Variants in LLPH observed in about 807,000 individuals in gnomAD.
LLPH encodes the protein protein LLP homolog.
In LLPH, 5 loss-of-function variants were observed where a neutral mutation model predicts 13.3. The ratio of observed to expected loss-of-function variants is 0.38; its 90% CI spans 0.20 to 0.79. The LOEUF is 0.79. Ranked by LOEUF, LLPH falls within the 30% of genes least tolerant of loss-of-function variation. The pLI is 0.45. For synonymous variants in LLPH, 32 were observed against 44.2 expected, an observed-to-expected ratio of 0.72 and a Z score of 1.09; for missense variants, 129 against 152.1, an observed-to-expected ratio of 0.85 and a Z score of 0.80.
rs558283194 is a variant in LLPH at position 66,119,639 on chromosome 12, A to T, written c.*4201T>A. On this transcript the variant is annotated 3_prime_UTR_variant, in exon 3 of 3. Transcript: ENST00000266604. ...GAATCACTCTGCCAGATGGCATCAGAAGTTAGTCACTTAACTAGTAAGATT... is the reference window on the plus strand; with the variant it reads ...GAATCACTCTGCCAGATGGCATCAGTAGTTAGTCACTTAACTAGTAAGATT... The T allele has an allele frequency of 6.6e-6, 1 of 152,376 alleles. No homozygotes were observed. The highest frequency in any genetic ancestry group is 2.4e-5 in the African/African-American group (1 of 41,592). 9.4% of individuals were successfully genotyped at this position (152,376 alleles called of 1,614,324 possible).
intron 1 of LLPH, 140 bp downstream of exon 1, chr12:66,130,565 C>T (rs2051528881): frequency 6.6e-6 from 1 of 152,232 alleles, no homozygotes. Context: ...AAGGGGAACC[C>T]TCGCCCTCAA....
rs1368544120 is a variant in LLPH, at chr12:66,122,376, A to G, written c.*1464T>C. ...TTACTTGAGTTCTCCTGGGAAGTTA[A>G]CATCTTCTTCTAAACAGATACACAG... On this transcript the variant is annotated 3_prime_UTR_variant, in exon 3 of 3. Coordinates refer to ENST00000266604, the MANE Select transcript of LLPH (RefSeq NM_032338.4). The G allele has an allele frequency of 6.6e-6, 1 of 152,170 alleles. No individual in the cohort carries two copies. Among genetic ancestry groups the G allele is most frequent in the African/African-American group, 2.4e-5 (1 of 41,440 alleles). The allele number at this position is 152,170 out of a possible 1,614,324, so 9.4% of individuals were successfully genotyped here.
intron 2 of LLPH, among the ~76,000 whole-genome samples, chr12:66,125,063 G>A (rs554017130): frequency 1.3e-5 from 2 of 152,234 alleles, no homozygotes; most frequent in African/African-American, 4.8e-5. Context: ...GTGAGATCCT[G>A]TCTCCCCGCA....
In LLPH at chr12:66,119,857, C is replaced by G. The variant is rs963802991; in HGVS notation, c.*3983G>C. On this transcript the variant is annotated 3_prime_UTR_variant, in exon 3 of 3. Transcript: ENST00000266604. Reference sequence around the variant, plus strand: ...CTATTTTTCTTCTCCAACTCTTAAGCCATATTCCAGAAACACGGATCCAAA... The same window carrying G: ...CTATTTTTCTTCTCCAACTCTTAAGGCATATTCCAGAAACACGGATCCAAA... The G allele has an allele frequency of 6.6e-6, 1 of 152,180 alleles. No individual in the cohort carries two copies. Among genetic ancestry groups the G allele is most frequent in the African/African-American group, 2.4e-5 (1 of 41,434 alleles). 9.4% of individuals were successfully genotyped at this position (152,180 alleles called of 1,614,324 possible). A position where few individuals can be genotyped will look rare whatever the true frequency, so the allele number is the denominator to read the frequency against.
chr12:66,129,042 G>A lies in LLPH; in HGVS notation c.65C>T (p.Ala22Val). The A allele has an allele frequency of 1.9e-6, 3 of 1,611,698 alleles. No individual in the cohort carries two copies. The highest frequency in any genetic ancestry group is 2.5e-6 in the Non-Finnish European group (3 of 1,178,128). ...TTTAAGCCTGCTGGCCTCCTTTGGG[G>A]CATTCTTTTTTCTCTTTTCAGCACG... ...KMRAEKRKKN[A>V]PKEASRLKSI... Residue 22 changes from alanine to valine, a missense_variant, in exon 2 of 3, where the codon GCC becomes GTC. Transcript: ENST00000266604.
chr12:66,128,996 A>G lies in LLPH; in HGVS notation c.111T>C (p.Gly37=), dbSNP rs2051515709. 2 of 1,612,454 alleles carry G rather than the reference A, an allele frequency of 1.2e-6. No homozygotes were observed. The highest frequency in any genetic ancestry group is 1.7e-6 in the Non-Finnish European group (2 of 1,178,706). ...SRLKSILKLD[G]DVLMKDVQEI... Reference sequence around the variant, plus strand: ...CTTGAACATCTTTCATTAAAACATCACCGTCTAGTTTGAGAATACTTTTAA... The same window carrying G: ...CTTGAACATCTTTCATTAAAACATCGCCGTCTAGTTTGAGAATACTTTTAA... The change falls in exon 2 of 3, where the codon GGT becomes GGC. Residue 37 remains glycine, a synonymous_variant. Transcript: ENST00000266604.
chr12:66,125,676 C>T (rs551814525), intron 2 of LLPH, among the ~76,000 whole-genome samples: 2 of 152,270 alleles, frequency 1.3e-5, no homozygotes, highest in South Asian at 4.1e-4. Flanking sequence ...ATAAAACCTC[C>T]TGGAGCCATT....
intron 2 of LLPH, among the ~76,000 whole-genome samples, chr12:66,127,668 G>C (rs2051505925): frequency 6.6e-6 from 1 of 152,148 alleles, no homozygotes; most frequent in Non-Finnish European, 1.5e-5. Context: ...TGTGGATTTT[G>C]CCTTAACAAC....
At chr12:66,124,603 C>T (rs768033505) in intron 2 of LLPH, among the ~76,000 whole-genome samples, 1 of 152,174 alleles carries the variant, frequency 6.6e-6, no homozygotes, top group Admixed American at 6.5e-5. Context: ...CTGTGGTACA[C>T]CTATCACCTT....
intron 2 of LLPH, among the ~76,000 whole-genome samples, chr12:66,124,814 G>A (rs761546357): frequency 1.3e-5 from 2 of 152,168 alleles, no homozygotes; most frequent in African/African-American, 4.8e-5. Context: ...TCTAGTTTAT[G>A]GGGATATAGT....
At chr12:66,126,866 G>A (rs1229405809) in intron 2 of LLPH, among the ~76,000 whole-genome samples, 1 of 151,882 alleles carries the variant, frequency 6.6e-6, no homozygotes, top group African/African-American at 2.4e-5. Flanking sequence ...GGGAGGCAGA[G>A]GTTGTGGTGA....
At position 66,117,864 on chromosome 12, in the gene LLPH, T is replaced by C. The variant is rs1409622311; in HGVS notation, c.*5976A>G. The stretch of plus-strand genomic sequence containing the variant: ...ATTAAAAAATTAAAAATTGTGGAAA[T>C]AGAAAAAAGCTTATAAAAATATAAA... On this transcript the variant is annotated 3_prime_UTR_variant, in exon 3 of 3. Coordinates refer to ENST00000266604, the MANE Select transcript of LLPH (RefSeq NM_032338.4). The C allele has an allele frequency of 6.6e-6, 1 of 152,056 alleles. No individual in the cohort carries two copies. 9.4% of individuals were successfully genotyped at this position (152,056 alleles called of 1,614,324 possible).
At chr12:66,128,170 C>A (rs1462091855) in intron 2 of LLPH, among the ~76,000 whole-genome samples, 2 of 151,980 alleles carry the variant, frequency 1.3e-5, no homozygotes, top group African/African-American at 2.4e-5. Flanking sequence ...TTAAAAACAG[C>A]CATTTTTAAA....
rs2051464844 is a variant in LLPH at position 66,121,783 on chromosome 12, C to G, written c.*2057G>C. The G allele has an allele frequency of 6.7e-6, 1 of 148,482 alleles. No homozygotes were observed. The highest frequency in any genetic ancestry group is 6.8e-5 in the Admixed American group (1 of 14,660). 9.2% of individuals were successfully genotyped at this position (148,482 alleles called of 1,614,324 possible). A position where few individuals can be genotyped will look rare whatever the true frequency, so the allele number is the denominator to read the frequency against. ...CCTGTAGTCCCAGCTACTGGGGAGG[C>G]TGAGGTGGGAGAATCGCTTCAGCCT... is the stretch of plus-strand genomic sequence containing the variant. On this transcript the variant is annotated 3_prime_UTR_variant, in exon 3 of 3. Coordinates refer to ENST00000266604, the MANE Select transcript of LLPH (RefSeq NM_032338.4).
rs780947566 is a variant in LLPH at position 66,128,934 on chromosome 12, C to G, written c.173G>C (p.Cys58Ser). Reference sequence around the variant, plus strand: ...TACCTCACATTGCATTTTCTCTTGGCAATGTTTGGGTTTGGGTACCACCAC... The same window carrying G: ...TACCTCACATTGCATTTTCTCTTGGGAATGTTTGGGTTTGGGTACCACCAC... ...ATVVVPKPKH[C>S]QEKMQCEVKD... The change falls in exon 2 of 3, where the codon TGC (cysteine) becomes TCC (serine). Residue 58 changes from cysteine (C) to serine (S), a missense_variant. Coordinates refer to ENST00000266604, the MANE Select transcript of LLPH (RefSeq NM_032338.4). The G allele has an allele frequency of 1.2e-6, 2 of 1,613,214 alleles. No individual in the cohort carries two copies. The highest frequency in any genetic ancestry group is 1.3e-5 in the African/African-American group (1 of 74,914).
intron 2 of LLPH, 88 bp from the exon 3 acceptor site, chr12:66,124,106 C>T (rs2051481709): frequency 2.4e-6 from 2 of 826,984 alleles, no homozygotes; most frequent in Admixed American, 3.0e-5. Context: ...AACATCAGAA[C>T]ATTAGAACTG....
rs745348577 is a variant in LLPH, at chr12:66,117,985, A to T, written c.*5855T>A. On this transcript the variant is annotated 3_prime_UTR_variant, in exon 3 of 3. Coordinates refer to ENST00000266604, the MANE Select transcript of LLPH (RefSeq NM_032338.4). ...TAAAAAATTAAAACGTTTATAAGGT[A>T]AAAAAGTTACAGGAAGCTAAAGTTA... 6.6e-6 allele frequency: 1 copy of T among 152,236 alleles called. No individual in the cohort carries two copies. The highest frequency in any genetic ancestry group is 1.5e-5 in the Non-Finnish European group (1 of 68,052). 9.4% of individuals were successfully genotyped at this position (152,236 alleles called of 1,614,324 possible). A position where few individuals can be genotyped will look rare whatever the true frequency, so the allele number is the denominator to read the frequency against.
At chr12:66,124,759 C>T (rs1358465772) in intron 2 of LLPH, among the ~76,000 whole-genome samples, 1 of 152,168 alleles carries the variant, frequency 6.6e-6, no homozygotes. Context: ...TGGTATATAA[C>T]AGCCACTCAA....
At position 66,118,645 on chromosome 12, in the gene LLPH, T is replaced by C. The variant is rs982727915; in HGVS notation, c.*5195A>G. On this transcript the variant is annotated 3_prime_UTR_variant, in exon 3 of 3. Coordinates refer to ENST00000266604, the MANE Select transcript of LLPH (RefSeq NM_032338.4). Reference sequence around the variant, plus strand: ...CCTAGAAGCAATAGGCTATATCACATAGCCTAAGTGTAGTAGACGATACCC... The same window carrying C: ...CCTAGAAGCAATAGGCTATATCACACAGCCTAAGTGTAGTAGACGATACCC... 2 of 152,190 alleles carry C rather than the reference T, an allele frequency of 1.3e-5. No individual in the cohort carries two copies. Among genetic ancestry groups the C allele is most frequent in the Admixed American group, 1.3e-4 (2 of 15,290 alleles). The allele number at this position is 152,190 out of a possible 1,614,324, so 9.4% of individuals were successfully genotyped here.
Sources: allele counts gnomAD v4.1 joint callset (sites outside exome capture counted in the v4.1 genomes callset), GRCh38; gene constraint gnomAD v4.1.1; transcripts MANE v1.5; gene names NCBI Gene and HGNC (gene_info 2026-07-23, HGNC 2026-07-21).